VWC2L: variants seen among roughly 807,000 people sequenced by gnomAD.
The protein encoded by VWC2L is von Willebrand factor C domain-containing protein 2-like.
VWC2L carries 10 observed loss-of-function variants against 21.6 expected under a neutral mutation model. That is an observed-to-expected ratio of 0.46 (90% CI 0.29 to 0.78). The LOEUF (loss-of-function observed/expected upper bound fraction) is 0.78, where lower values mean the gene tolerates loss of function less well. VWC2L is among the 30% of genes least tolerant of loss of function. The pLI is 0.10. For synonymous variants in VWC2L, 96 were observed against 94.3 expected (o/e 1.02, Z -0.10); for missense variants, 209 against 277.1 (o/e 0.75, Z 1.74).
chr2:214,520,004 C>T (rs141206763), intron 3 of VWC2L, among the ~76,000 whole-genome samples: 9 of 150,968 alleles, frequency 6.0e-5, no homozygotes, highest in African/African-American at 1.9e-4. Flanking sequence ...ATACATAATT[C>T]GGAAATTTTA....
At chr2:214,477,038 A>T (rs1051557644) in intron 3 of VWC2L, among the ~76,000 whole-genome samples, 1 of 152,206 alleles carries the variant, frequency 6.6e-6, no homozygotes, top group Non-Finnish European at 1.5e-5. Context: ...AAGAGGAAAA[A>T]AAGGAAAGAA....
At chr2:214,489,322 A>G (rs1390592630) in intron 3 of VWC2L, among the ~76,000 whole-genome samples, 1 of 152,206 alleles carries the variant, frequency 6.6e-6, no homozygotes, top group Non-Finnish European at 1.5e-5. Context: ...AGAGAAATAG[A>G]ATATAAATTT....
At chr2:214,539,733 G>A (rs533576152) in intron 3 of VWC2L, among the ~76,000 whole-genome samples, 4 of 152,148 alleles carry the variant, frequency 2.6e-5, no homozygotes, top group South Asian at 2.1e-4. Flanking sequence ...ACAAAGACAC[G>A]AACTTTCCTG....
At chr2:214,445,600 G>T (rs1477684697) in intron 3 of VWC2L, among the ~76,000 whole-genome samples, 2 of 151,402 alleles carry the variant, frequency 1.3e-5, no homozygotes, top group African/African-American at 4.8e-5. Flanking sequence ...ATAGGAAAAA[G>T]ACTAGAAGGA....
intron 3 of VWC2L, among the ~76,000 whole-genome samples, chr2:214,568,597 G>C (rs868140732): frequency 6.6e-6 from 1 of 152,032 alleles, no homozygotes; most frequent in African/African-American, 2.4e-5. Flanking sequence ...TTGTGTAGGG[G>C]AACTCCCTTT....
chr2:214,573,373 C>CT (rs1232234013), intron 3 of VWC2L, among the ~76,000 whole-genome samples: 1 of 152,082 alleles, frequency 6.6e-6, no homozygotes, highest in African/African-American at 2.4e-5. Flanking sequence ...TCAGGGACTT[C>CT]TTTTAAAACC....
chr2:214,549,137 C>G (rs1689753948), intron 3 of VWC2L, among the ~76,000 whole-genome samples: 3 of 152,214 alleles, frequency 2.0e-5, no homozygotes, highest in African/African-American at 4.8e-5. Context: ...CACACTTCCT[C>G]TGATCCACCT....
At chr2:214,451,281 T>C (rs1268628154) in intron 3 of VWC2L, among the ~76,000 whole-genome samples, 3 of 133,816 alleles carry the variant, frequency 2.2e-5, no homozygotes, top group Admixed American at 1.5e-4. Context: ...TAAAAATCCT[T>C]CCTAAGGAAG....
intron 3 of VWC2L, among the ~76,000 whole-genome samples, chr2:214,570,162 G>T (rs989081300): frequency 6.6e-6 from 1 of 152,146 alleles, no homozygotes; most frequent in Non-Finnish European, 1.5e-5. Context: ...GAGGTGAGAA[G>T]ATGGAATAAA....
At chr2:214,571,448 C>T (rs891373504) in intron 3 of VWC2L, among the ~76,000 whole-genome samples, 2 of 152,112 alleles carry the variant, frequency 1.3e-5, no homozygotes, top group Non-Finnish European at 2.9e-5. Context: ...GAAATTATCA[C>T]CATGTGTTTT....
chr2:214,429,499 C>A (rs1295696082), intron 2 of VWC2L, among the ~76,000 whole-genome samples: 1 of 152,116 alleles, frequency 6.6e-6, no homozygotes, highest in East Asian at 1.9e-4. Flanking sequence ...TCTTTTTCCT[C>A]TCTTAAATAT....
At position 214,437,703 on chromosome 2, in the gene VWC2L, C is replaced by T. The variant is rs545138695; in HGVS notation, c.520+945C>T. Among the ~76,000 whole-genome samples, 8 of 152,148 alleles carry T rather than the reference C, an allele frequency of 5.3e-5. No individual in the cohort carries two copies. The South Asian group carries it at 1.4e-3, about 28-fold the overall frequency. ...TATTTTTTGCTCTGAATTTGGAGCT[C>T]ACCTACTAATCTTTTCCTTTACAGA... On this transcript the variant is annotated intron_variant, in intron 3 of 3. Coordinates refer to ENST00000312504, the MANE Select transcript of VWC2L (RefSeq NM_001080500.4).
At position 214,411,535 on chromosome 2, in the gene VWC2L, T is replaced by C. The variant is rs1179905902; in HGVS notation, c.-332T>C. Reference sequence around the variant, plus strand: ...ACAGGACCAGCTTTGCTTCTTGCTTTGAATTCTGAAGACAGGTCCAAAGCA... The same window carrying C: ...ACAGGACCAGCTTTGCTTCTTGCTTCGAATTCTGAAGACAGGTCCAAAGCA... On this transcript the variant is annotated 5_prime_UTR_variant, in exon 1 of 4. An upstream open reading frame in the 5' UTR loses its in-frame stop. Transcript: ENST00000312504. 6.6e-6 allele frequency: 1 copy of C among 152,380 alleles called. No individual in the cohort carries two copies. The highest frequency in any genetic ancestry group is 1.9e-4 in the East Asian group (1 of 5,188). 9.4% of individuals were successfully genotyped at this position (152,380 alleles called of 1,614,324 possible).
At position 214,561,768 on chromosome 2, in the gene VWC2L, C is replaced by T. The variant is rs1490288768; in HGVS notation, c.521-13904C>T. 7.1e-5 allele frequency among the ~76,000 whole-genome samples: 8 copies of T among 112,872 alleles called. 1 individual carries two copies. The highest frequency in any genetic ancestry group is 2.8e-4 in the African/African-American group (7 of 24,700). The allele number at this position is 112,872 out of a possible 152,430, so 74.0% of individuals were successfully genotyped here. On this transcript the variant is annotated intron_variant, in intron 3 of 3. Transcript: ENST00000312504. ...TCAACCCGGGCAACCAGAGTAATAC[C>T]TTATCTCAAAAAAAATTATATATAT...
intron 3 of VWC2L, among the ~76,000 whole-genome samples, chr2:214,524,525 G>T (rs1223765422): frequency 6.6e-6 from 1 of 152,148 alleles, no homozygotes; most frequent in African/African-American, 2.4e-5. Flanking sequence ...AATACAAATT[G>T]TAATTAACCC....
chr2:214,482,596 T>C (rs1415090812), intron 3 of VWC2L, among the ~76,000 whole-genome samples: 1 of 150,118 alleles, frequency 6.7e-6, no homozygotes, highest in Non-Finnish European at 1.5e-5. Flanking sequence ...AATATATATA[T>C]TTACCAGTTT....
chr2:214,518,534 A>G (rs1475223953), intron 3 of VWC2L, among the ~76,000 whole-genome samples: 1 of 152,150 alleles, frequency 6.6e-6, no homozygotes, highest in African/African-American at 2.4e-5. Flanking sequence ...CCTTCTTCCA[A>G]CCAGGACTAG....
In VWC2L at chr2:214,432,037, G is replaced by C. The variant is rs538524023; in HGVS notation, c.391-4592G>C. On this transcript the variant is annotated intron_variant, in intron 2 of 3. Transcript: ENST00000312504. ...ATAGTTATTTCACGACTCACAGTCG[G>C]AAACCTTTTTCCCCAAAGTGCCCAT... Among the ~76,000 whole-genome samples, 72 of 152,226 alleles carry C rather than the reference G, an allele frequency of 4.7e-4. 1 individual carries two copies. Among genetic ancestry groups the C allele is most frequent in the East Asian group, 4.4e-3 (23 of 5,188 alleles).
chr2:214,541,347 G>T (rs576664621), intron 3 of VWC2L, among the ~76,000 whole-genome samples: 1 of 152,056 alleles, frequency 6.6e-6, no homozygotes, highest in South Asian at 2.1e-4. Flanking sequence ...ACATCAGGCT[G>T]AAACACTAGA....
Sources: gnomAD v4.1 joint callset for allele counts (sites outside exome capture counted in the v4.1 genomes callset) on GRCh38, gnomAD v4.1.1 for gene constraint, MANE v1.5 for transcripts, NCBI Gene and HGNC (gene_info 2026-07-23, HGNC 2026-07-21) for gene names.